Variants in ALPI observed in about 807,000 individuals in gnomAD.
ALPI encodes intestinal-type alkaline phosphatase.
In ALPI, 50 loss-of-function variants were observed where a neutral mutation model predicts 51.5. The ratio of observed to expected loss-of-function variants is 0.97; its 90% confidence interval spans 0.77 to 1.23. The LOEUF is 1.23. Among genes scored for constraint, ALPI ranks in the 50% most tolerant of loss-of-function variants. The probability of loss-of-function intolerance (pLI) is 0.00; values close to 1 mark genes in which losing one functional copy is unlikely to be tolerated. For synonymous variants in ALPI, 322 were observed against 308.2 expected (o/e 1.04, Z -0.47); for missense variants, 692 against 722.4 (o/e 0.96, Z 0.48).
chr2:232,457,771 T>A lies in ALPI; in HGVS notation c.784-24T>A, dbSNP rs781543646. On this transcript the variant is annotated intron_variant, in intron 6 of 10. Transcript: ENST00000295463. This position sits in a 1 kb window ranked among gnomAD's most constrained non-coding sequence, Gnocchi z 4.7. ...GTGTGTGGGTCTCAGGGCTGTGGGC[T>A]GAAGCCTGGCTCTGTCCCTGCAGGG... is the stretch of plus-strand genomic sequence containing the variant. The A allele has an allele frequency of 1.9e-6, 3 of 1,613,372 alleles. No individual in the cohort carries two copies.
At position 232,459,271 on chromosome 2, in the gene ALPI, T is replaced by C; in HGVS notation, c.*125T>C. 7.6e-7 allele frequency: 1 copy of C among 1,311,554 alleles called. No individual in the cohort carries two copies. Among genetic ancestry groups the C allele is most frequent in the Non-Finnish European group, 1.0e-6 (1 of 983,524 alleles). The allele number at this position is 1,311,554 out of a possible 1,614,324, so 81.2% of individuals were successfully genotyped here. ...CCGTTGGACCTTCACCTCCTAGAGA[T>C]AAACCAGCCTCAGCTGGCGCAGCGG... On this transcript the variant is annotated 3_prime_UTR_variant, in exon 11 of 11. Transcript: ENST00000295463.
rs940990959 is a variant in ALPI at position 232,459,904 on chromosome 2, G to A, written c.*758G>A. ...TCTGGGTACAGGGCAGCAACCCAGA[G>A]CCCATGGGCCCTCCCGGGACATCTG... On this transcript the variant is annotated 3_prime_UTR_variant, in exon 11 of 11. Transcript: ENST00000295463. 5 of 152,248 alleles carry A rather than the reference G, an allele frequency of 3.3e-5. No individual in the cohort carries two copies. Among genetic ancestry groups the A allele is most frequent in the Admixed American group, 6.5e-5 (1 of 15,284 alleles). 9.4% of individuals were successfully genotyped at this position (152,248 alleles called of 1,614,324 possible). A position where few individuals can be genotyped will look rare whatever the true frequency, so the allele number is the denominator to read the frequency against.
rs813946 is a variant in ALPI at position 232,458,738 on chromosome 2, G to A, written c.1290G>A (p.Glu430=). Residue 430 remains glutamate, a synonymous_variant, in exon 10 of 11, where the codon GAG becomes GAA. Transcript: ENST00000295463. ...FNSGVRPDVN[E]SESGSPDYQQ... is the part of the protein sequence containing the mutation. ...CAGGCGTGCGACCAGACGTGAATGA[G>A]AGCGAGAGCGGTGAGTGAGGCTGAA... 1 of 1,613,892 alleles carries A rather than the reference G, an allele frequency of 6.2e-7. No individual in the cohort carries two copies. The highest frequency in any genetic ancestry group is 8.5e-7 in the Non-Finnish European group (1 of 1,180,022).
chr2:232,458,464 A>G, intron 9 of ALPI, 56 bp downstream of exon 9: 1 of 1,570,808 alleles, frequency 6.4e-7, no homozygotes, highest in Non-Finnish European at 8.7e-7. Flanking sequence ...GTGAAGTTTG[A>G]GCTTCAGTTT....
chr2:232,458,928 G>T lies in ALPI; in HGVS notation c.1369G>T (p.Ala457Ser). 1 of 1,608,416 alleles carries T rather than the reference G, an allele frequency of 6.2e-7. No homozygotes were observed. The change falls in exon 11 of 11, where the codon GCG becomes TCG. Residue 457 changes from alanine (A) to serine (S), a missense_variant. Ala to Ser is a moderately conservative substitution (Grantham distance 99). Transcript: ENST00000295463. ...CGAGACCCACGGAGGCGAAGACGTG[G>T]CGGTGTTTGCGCGCGGCCCGCAGGC... ...SSETHGGEDV[A>S]VFARGPQAHL... is the part of the protein sequence containing the mutation.
In ALPI at chr2:232,456,594, A is replaced by T. The variant is rs759862463; in HGVS notation, c.199A>T (p.Thr67Ser). ...LFLGDGLGVP[T>S]VTATRILKGQ... ...TGCTCCTTCAGGGTTGGGGGTGCCC[A>T]CGGTGACAGCCACCAGGATCCTAAA... Residue 67 changes from threonine (T) to serine (S), a missense_variant, in exon 3 of 11, where the codon ACG becomes TCG. By Grantham distance (58) the Thr-to-Ser change is moderately conservative. Transcript: ENST00000295463. The surrounding 1 kb of genome is among the most constrained non-coding windows in gnomAD (Gnocchi z 4.2). The T allele has an allele frequency of 1.2e-6, 2 of 1,613,020 alleles. No individual in the cohort carries two copies. Among genetic ancestry groups the T allele is most frequent in the South Asian group, 2.2e-5 (2 of 90,948 alleles).
chr2:232,456,682 TGGCTCTGTCCAA>T lies in ALPI; in HGVS notation c.290_300+1del. 1 of 1,604,908 alleles carries T rather than the reference TGGCTCTGTCCAA, an allele frequency of 6.2e-7. No individual in the cohort carries two copies. The highest frequency in any genetic ancestry group is 1.1e-5 in the South Asian group (1 of 89,624). Reference sequence around the variant, plus strand: ...CTGGCCATGGACCGCTTCCCATACCTGGCTCTGTCCAAGGTAAGGGCTGGGCCACCTCAGAGT... The same window carrying T: ...CTGGCCATGGACCGCTTCCCATACCTGGTAAGGGCTGGGCCACCTCAGAGT... On this transcript the variant is annotated inframe_deletion and splice_region_variant, in exon 3 of 11. Coordinates refer to ENST00000295463, the MANE Select transcript of ALPI (RefSeq NM_001631.5). The surrounding 1 kb of genome is among the most constrained non-coding windows in gnomAD (Gnocchi z 4.2).
In ALPI at chr2:232,458,200, C is replaced by G. The variant is rs374451697; in HGVS notation, c.992-17C>G. The G allele has an allele frequency of 3.2e-4, 521 of 1,613,828 alleles. No homozygotes were observed. Among genetic ancestry groups the G allele is most frequent in the Non-Finnish European group, 4.1e-4 (485 of 1,179,934 alleles). ...CAGGGCAGGTTCAAGCATCACCCCC[C>G]TCTGGCCTTCCTGCAGGCGGCCGCA... is the stretch of plus-strand genomic sequence containing the variant. On this transcript the variant is annotated splice_polypyrimidine_tract_variant and intron_variant, in intron 8 of 10. Coordinates refer to ENST00000295463, the MANE Select transcript of ALPI (RefSeq NM_001631.5).
chr2:232,459,300 CCTT>C lies in ALPI; in HGVS notation c.*159_*161del, dbSNP rs1690269015. The C allele has an allele frequency of 1.6e-5, 17 of 1,086,862 alleles. No individual in the cohort carries two copies. The highest frequency in any genetic ancestry group is 1.9e-5 in the Non-Finnish European group (15 of 782,728). 67.3% of individuals were successfully genotyped at this position (1,086,862 alleles called of 1,614,324 possible). ...CCAGCCTCAGCTGGCGCAGCGGGGC[CCTT>C]CTTCCCTCCGCATCCCCTTCAGGGA... On this transcript the variant is annotated 3_prime_UTR_variant, in exon 11 of 11. Coordinates refer to ENST00000295463, the MANE Select transcript of ALPI (RefSeq NM_001631.5).
rs1690228463 is a variant in ALPI, at chr2:232,457,990, T to C, written c.857-8T>C. On this transcript the variant is annotated splice_region_variant and splice_polypyrimidine_tract_variant and intron_variant, in intron 7 of 10. Coordinates refer to ENST00000295463, the MANE Select transcript of ALPI (RefSeq NM_001631.5). The surrounding 1 kb of genome is among the most constrained non-coding windows in gnomAD (Gnocchi z 4.7). ...CTGCCAATCACCACCAAGCTCCTTG[T>C]CCCACAGGCCTCTTTGAGCCCGGAG... 1.2e-6 allele frequency: 2 copies of C among 1,613,128 alleles called. No individual in the cohort carries two copies. Among genetic ancestry groups the C allele is most frequent in the South Asian group, 1.1e-5 (1 of 91,018 alleles).
Position 232,456,949 on chromosome 2 carries a change from C to T in ALPI, c.351C>T (p.Ala117=), listed in dbSNP as rs1304819869. The change falls in exon 4 of 11, where the codon GCC becomes GCT. Residue 117 remains alanine (A), a synonymous_variant. Transcript: ENST00000295463. The surrounding 1 kb of genome is among the most constrained non-coding windows in gnomAD (Gnocchi z 4.2). ...CAGACAGCGCAGCCACAGCCACGGCCTACCTGTGCGGGGTCAAGGCCAACT... is the reference window on the plus strand; with the variant it reads ...CAGACAGCGCAGCCACAGCCACGGCTTACCTGTGCGGGGTCAAGGCCAACT... ...QVPDSAATAT[A]YLCGVKANFQ... is the part of the protein sequence containing the mutation. 1.2e-6 allele frequency: 2 copies of T among 1,613,754 alleles called. No homozygotes were observed. Among genetic ancestry groups the T allele is most frequent in the African/African-American group, 1.3e-5 (1 of 75,062 alleles).
rs188568456 is a variant in ALPI at position 232,460,466 on chromosome 2, G to A, written c.*1320G>A. On this transcript the variant is annotated 3_prime_UTR_variant, in exon 11 of 11. Transcript: ENST00000295463. ...GGTGGCAGGCTCAGGTGAAAGCTGG[G>A]GAAGGAGCTGACTCCAGGTGTTTCT... 3.1e-3 allele frequency among the ~76,000 whole-genome samples: 478 copies of A among 152,244 alleles called. 2 individuals are homozygous for A. Among genetic ancestry groups the A allele is most frequent in the East Asian group, 0.018 (93 of 5,174 alleles).
chr2:232,459,324 A>G lies in ALPI; in HGVS notation c.*178A>G. 1.2e-6 allele frequency: 1 copy of G among 858,254 alleles called. No individual in the cohort carries two copies. The highest frequency in any genetic ancestry group is 1.8e-5 in the South Asian group (1 of 54,588). 53.2% of individuals were successfully genotyped at this position (858,254 alleles called of 1,614,324 possible). ...CCCTTCTTCCCTCCGCATCCCCTTC[A>G]GGGAGCAGGAGCCCAGGGCGCCCTG... On this transcript the variant is annotated 3_prime_UTR_variant, in exon 11 of 11. Coordinates refer to ENST00000295463, the MANE Select transcript of ALPI (RefSeq NM_001631.5).
chr2:232,457,805 A>G lies in ALPI; in HGVS notation c.794A>G (p.Tyr265Cys). 1 of 1,613,892 alleles carries G rather than the reference A, an allele frequency of 6.2e-7. No individual in the cohort carries two copies. ...EWLAKHQGAW[Y>C]VWNRTELMQA... ...GCTCTGTCCCTGCAGGGTGCCTGGT[A>G]TGTGTGGAACCGCACTGAGCTCATG... Residue 265 changes from tyrosine (Y) to cysteine (C), a missense_variant, in exon 7 of 11, where the codon TAT becomes TGT. By Grantham distance (194) the Tyr-to-Cys change is radical. Transcript: ENST00000295463. The surrounding 1 kb of genome is among the most constrained non-coding windows in gnomAD (Gnocchi z 4.7).
In ALPI at chr2:232,459,102, C is replaced by T; in HGVS notation, c.1543C>T (p.Leu515=). Residue 515 remains leucine (L), a synonymous_variant, in exon 11 of 11, where the codon CTG becomes TTG. Coordinates refer to ENST00000295463, the MANE Select transcript of ALPI (RefSeq NM_001631.5). ...CCCAGTTGCCGCGTCGCTGCCACTG[C>T]TGGCCGGGACCCTGCTGCTGCTGGG... is the stretch of plus-strand genomic sequence containing the variant. ...AHPVAASLPL[L]AGTLLLLGAS... is the part of the protein sequence containing the mutation. 6.5e-7 allele frequency: 1 copy of T among 1,539,000 alleles called. No homozygotes were observed. The highest frequency in any genetic ancestry group is 1.2e-5 in the South Asian group (1 of 83,910).
chr2:232,456,342 T>C lies in ALPI; in HGVS notation c.68-7T>C, dbSNP rs1055016246. The C allele has an allele frequency of 5.0e-6, 8 of 1,614,028 alleles. No homozygotes were observed. Among genetic ancestry groups the C allele is most frequent in the Non-Finnish European group, 6.8e-6 (8 of 1,179,994 alleles). ...GCTGACCTGATCTCTACTCTCCCCC[T>C]GGCCAGCTGAGGAGGAGAACCCGGC... On this transcript the variant is annotated splice_region_variant and splice_polypyrimidine_tract_variant and intron_variant, in intron 1 of 10. Transcript: ENST00000295463. This position sits in a 1 kb window ranked among gnomAD's most constrained non-coding sequence, Gnocchi z 4.2.
At position 232,457,986 on chromosome 2, in the gene ALPI, CT is replaced by C. The variant is rs770419354; in HGVS notation, c.857-10del. 2 of 1,613,478 alleles carry C rather than the reference CT, an allele frequency of 1.2e-6. No homozygotes were observed. Among genetic ancestry groups the C allele is most frequent in the Non-Finnish European group, 1.7e-6 (2 of 1,179,656 alleles). ...CAGCCTGCCAATCACCACCAAGCTC[CT>C]TGTCCCACAGGCCTCTTTGAGCCCG... On this transcript the variant is annotated splice_polypyrimidine_tract_variant and intron_variant, in intron 7 of 10. Coordinates refer to ENST00000295463, the MANE Select transcript of ALPI (RefSeq NM_001631.5). The surrounding 1 kb of genome is among the most constrained non-coding windows in gnomAD (Gnocchi z 4.7).
Position 232,457,371 on chromosome 2 carries a change from A to T in ALPI, c.648+49A>T. 4 of 1,570,056 alleles carry T rather than the reference A, an allele frequency of 2.5e-6. No homozygotes were observed. The highest frequency in any genetic ancestry group is 3.5e-6 in the Non-Finnish European group (4 of 1,158,082). ...GGGGCTGGGCAGAGGGGAAGGTGGC[A>T]CAGGCTCAGATCCAGGCAACCAAAA... On this transcript the variant is annotated intron_variant, in intron 5 of 10. Coordinates refer to ENST00000295463, the MANE Select transcript of ALPI (RefSeq NM_001631.5). This position sits in a 1 kb window ranked among gnomAD's most constrained non-coding sequence, Gnocchi z 4.7.
rs761801596 is a variant in ALPI, at chr2:232,458,857, C to G, written c.1301-3C>G. The G allele has an allele frequency of 1.2e-6, 2 of 1,609,990 alleles. No homozygotes were observed. The highest frequency in any genetic ancestry group is 3.3e-5 in the Admixed American group (2 of 59,832). ...CCCTGAAGTGCACTCACCCTCCTAC[C>G]AGGGAGCCCCGATTACCAGCAGCAG... On this transcript the variant is annotated splice_polypyrimidine_tract_variant and splice_region_variant and intron_variant, in intron 10 of 10. Coordinates refer to ENST00000295463, the MANE Select transcript of ALPI (RefSeq NM_001631.5).
Sources: allele counts gnomAD v4.1 joint callset (sites outside exome capture counted in the v4.1 genomes callset), GRCh38; gene constraint gnomAD v4.1.1; non-coding constraint Gnocchi (gnomAD v3.1); transcripts MANE v1.5; gene names NCBI Gene and HGNC (gene_info 2026-07-23, HGNC 2026-07-21).